The following RERE variants were observed in gnomAD, a reference collection of about 807,000 sequenced individuals.
RERE encodes the protein arginine-glutamic acid dipeptide repeats protein.
A neutral mutation model predicts 146.1 loss-of-function variants in RERE; 40 were observed. The ratio of observed to expected loss-of-function variants is 0.27; its 90% CI spans 0.21 to 0.36. The LOEUF is 0.36. Ranked by LOEUF, RERE falls within the 10% of genes least tolerant of loss-of-function variation. RERE has a pLI of 1.00. For missense variants in RERE, 1,933 were observed against 2,138.7 expected, an observed-to-expected ratio of 0.90 and a Z score of 1.90; for synonymous variants, 1,003 against 866.0, an observed-to-expected ratio of 1.16 and a Z score of -2.78.
chr1:8,491,333 G>A (rs1320561934), intron 10 of RERE, among the ~76,000 whole-genome samples: 2 of 152,116 alleles, frequency 1.3e-5, no homozygotes, highest in Non-Finnish European at 2.9e-5. Context: ...CCAGCTACTC[G>A]GAAGGCTGAG....
chr1:8,667,519 T>C (rs1274989278), intron 1 of RERE, among the ~76,000 whole-genome samples: 3 of 152,126 alleles, frequency 2.0e-5, no homozygotes, highest in South Asian at 2.1e-4. Flanking sequence ...CTACTAAAAA[T>C]ACAAAAAATT....
chr1:8,454,875 G>A (rs1644433911), intron 11 of RERE, among the ~76,000 whole-genome samples: 1 of 151,910 alleles, frequency 6.6e-6, no homozygotes, highest in Non-Finnish European at 1.5e-5. Flanking sequence ...GGAGTGGGGA[G>A]ATCATACTTT....
chr1:8,499,245 G>C (rs1381613859), intron 8 of RERE, among the ~76,000 whole-genome samples: 1 of 152,194 alleles, frequency 6.6e-6, no homozygotes, highest in African/African-American at 2.4e-5. Flanking sequence ...GAATGCAGCA[G>C]GCTGAATATA....
intron 10 of RERE, among the ~76,000 whole-genome samples, chr1:8,483,913 T>A (rs1042880850): frequency 2.0e-5 from 3 of 152,242 alleles, no homozygotes; most frequent in African/African-American, 7.2e-5. Flanking sequence ...CTTTGTTGCA[T>A]GATTATAAAT....
rs534823219 is a variant in RERE, at chr1:8,711,704, A to G, written c.-144-55263T>C. Among the ~76,000 whole-genome samples the G allele has an allele frequency of 1.8e-4, 27 of 152,344 alleles. 1 individual carries two copies. In the South Asian group the frequency reaches 5.6e-3, roughly 32 times the overall value. Reference sequence around the variant, plus strand: ...CCCTCGTGTATTTTGAACTGATGATATATGATAAAATCAGTGTGGAGATCC... The same window carrying G: ...CCCTCGTGTATTTTGAACTGATGATGTATGATAAAATCAGTGTGGAGATCC... On this transcript the variant is annotated intron_variant, in intron 1 of 22. Coordinates refer to ENST00000400908, the MANE Select transcript of RERE (RefSeq NM_001042681.2).
intron 2 of RERE, among the ~76,000 whole-genome samples, chr1:8,639,950 T>C (rs1443135210): frequency 6.6e-6 from 1 of 152,036 alleles, no homozygotes; most frequent in Non-Finnish European, 1.5e-5. Flanking sequence ...TATACAGAGC[T>C]TTACAAATAG....
At chr1:8,750,610 T>C (rs746305111) in intron 1 of RERE, 64 of 979,974 alleles carry the variant, frequency 6.5e-5, no homozygotes, top group Admixed American at 3.9e-4. Context: ...ACAAGGAATA[T>C]AGGCAGATGT....
At chr1:8,638,491 G>T (rs1486998225) in intron 2 of RERE, among the ~76,000 whole-genome samples, 1 of 152,092 alleles carries the variant, frequency 6.6e-6, no homozygotes, top group Non-Finnish European at 1.5e-5. Flanking sequence ...TATACCCCAG[G>T]TTATGAATCT....
intron 4 of RERE, among the ~76,000 whole-genome samples, chr1:8,571,230 A>G (rs1323537960): frequency 6.6e-6 from 1 of 152,222 alleles, no homozygotes; most frequent in Non-Finnish European, 1.5e-5. Flanking sequence ...TAAGAAAAAG[A>G]AAGATATTAG....
intron 4 of RERE, among the ~76,000 whole-genome samples, chr1:8,577,342 T>C (rs1212006537): frequency 6.6e-6 from 1 of 152,208 alleles, no homozygotes; most frequent in Non-Finnish European, 1.5e-5. Flanking sequence ...AGTATATTGC[T>C]GCTCTTTCTT....
intron 7 of RERE, among the ~76,000 whole-genome samples, chr1:8,531,721 T>G (rs528117364): frequency 1.2e-4 from 18 of 152,316 alleles, no homozygotes; most frequent in African/African-American, 4.3e-4. Flanking sequence ...TTAAGGAAAT[T>G]CATTCTACAA....
chr1:8,385,816 A>C (rs1642618479), intron 12 of RERE, among the ~76,000 whole-genome samples: 1 of 149,732 alleles, frequency 6.7e-6, no homozygotes, highest in Admixed American at 6.7e-5. Flanking sequence ...CAAAAAAAAA[A>C]AAATTAGCTG....
intron 12 of RERE, among the ~76,000 whole-genome samples, chr1:8,376,055 C>G (rs965818881): frequency 1.3e-5 from 2 of 152,206 alleles, no homozygotes; most frequent in African/African-American, 4.8e-5. Context: ...AGCCATGTGG[C>G]CAAGCTCAGT....
In RERE at chr1:8,642,565, A is replaced by G. The variant is rs544180498; in HGVS notation, c.325+13408T>C. Among the ~76,000 whole-genome samples, 6 of 152,322 alleles carry G rather than the reference A, an allele frequency of 3.9e-5. No homozygotes were observed. The East Asian group carries it at 9.6e-4, about 24-fold the overall frequency. ...TAGAAACCAAATATTAAATTAGTAAAGGCAAGCTTAAATGTTGAAGATATT... is the reference window on the plus strand; with the variant it reads ...TAGAAACCAAATATTAAATTAGTAAGGGCAAGCTTAAATGTTGAAGATATT... On this transcript the variant is annotated intron_variant, in intron 2 of 22. Transcript: ENST00000400908.
At chr1:8,385,031 T>A (rs1642589179) in intron 12 of RERE, among the ~76,000 whole-genome samples, 4 of 152,248 alleles carry the variant, frequency 2.6e-5, no homozygotes, top group Admixed American at 2.6e-4. Flanking sequence ...CAGGGCGATT[T>A]CTGCCAGCCA....
intron 1 of RERE, among the ~76,000 whole-genome samples, chr1:8,800,636 A>G (rs528848707): frequency 4.6e-5 from 7 of 151,936 alleles, no homozygotes; most frequent in Non-Finnish European, 7.4e-5. Flanking sequence ...GCGCCACCAC[A>G]CTCCAGCCTG....
At chr1:8,665,664 C>T (rs1001948366) in intron 1 of RERE, among the ~76,000 whole-genome samples, 6 of 152,100 alleles carry the variant, frequency 3.9e-5, no homozygotes. Context: ...AAGAGCAGTA[C>T]AAAGTAAATT....
intron 4 of RERE, among the ~76,000 whole-genome samples, chr1:8,605,745 C>CAAAAAAAAAAAAAAAAAAAAAAAAAAAAA (rs564574812): frequency 3.1e-5 from 2 of 64,518 alleles, no homozygotes; most frequent in African/African-American, 1.2e-4. Context: ...ACCCCATCTC[C>CAAAAAAAAAAAAAAAAAAAAAAAAAAAAA]AAAAAAAAAA....
intron 12 of RERE, among the ~76,000 whole-genome samples, chr1:8,371,156 C>G: frequency 6.6e-6 from 1 of 152,220 alleles, no homozygotes; most frequent in East Asian, 1.9e-4. Context: ...CCGGCTGCAG[C>G]TCTTGCCAAG....
Sources: gnomAD v4.1 joint callset for allele counts (sites outside exome capture counted in the v4.1 genomes callset) on GRCh38, gnomAD v4.1.1 for gene constraint, MANE v1.5 for transcripts, NCBI Gene and HGNC (gene_info 2026-07-23, HGNC 2026-07-21) for gene names.